The following DCUN1D2 variants were observed in gnomAD, a reference collection of about 807,000 sequenced individuals.
DCUN1D2 encodes defective in cullin neddylation 1 domain containing 2, also known as DCN1-like protein 2.
In DCUN1D2, 29 loss-of-function variants were observed where a neutral mutation model predicts 30.9. The observed-to-expected ratio is 0.94, with a 90% confidence interval of 0.70 to 1.28. The LOEUF (loss-of-function observed/expected upper bound fraction) is 1.28, where lower values mean the gene tolerates loss of function less well. Ranked by LOEUF, DCUN1D2 falls within the 50% of genes most tolerant of loss-of-function variation. The pLI is 0.00. For missense variants in DCUN1D2, 325 were observed against 316.9 expected, an observed-to-expected ratio of 1.03 and a Z score of -0.19; for synonymous variants, 121 against 115.3, an observed-to-expected ratio of 1.05 and a Z score of -0.32.
intron 3 of DCUN1D2, among the ~76,000 whole-genome samples, chr13:113,476,836 G>T (rs1442242709): frequency 6.6e-6 from 1 of 152,100 alleles, no homozygotes; most frequent in East Asian, 1.9e-4. Context: ...TATGGTATGC[G>T]GTAGAGGTCA....
intron 4 of DCUN1D2, 42 bp from the exon 5 acceptor site, chr13:113,461,178 C>T (rs1027190200): frequency 1.4e-5 from 17 of 1,249,964 alleles, no homozygotes; most frequent in Non-Finnish European, 1.8e-5. Flanking sequence ...ATCTCACTCT[C>T]TTTTTCTACT....
At chr13:113,487,473 A>G (rs2044826239) in intron 1 of DCUN1D2, among the ~76,000 whole-genome samples, 2 of 152,248 alleles carry the variant, frequency 1.3e-5, no homozygotes, top group African/African-American at 2.4e-5. Context: ...CACACAGTGT[A>G]TGATTCCATC....
At chr13:113,483,590 G>C (rs1005298923) in intron 2 of DCUN1D2, among the ~76,000 whole-genome samples, 5 of 152,184 alleles carry the variant, frequency 3.3e-5, no homozygotes, top group African/African-American at 9.6e-5. Flanking sequence ...CAGAACAAGC[G>C]GGCACGGGCC....
At chr13:113,472,439 ACTG>A (rs1196596096) in intron 4 of DCUN1D2, among the ~76,000 whole-genome samples, 1 of 152,206 alleles carries the variant, frequency 6.6e-6, no homozygotes, top group Admixed American at 6.5e-5. Flanking sequence ...GTAGAAGGTG[ACTG>A]GACGAGCCCA....
At chr13:113,471,405 TC>T (rs1566498428) in intron 4 of DCUN1D2, among the ~76,000 whole-genome samples, 1 of 152,224 alleles carries the variant, frequency 6.6e-6, no homozygotes, top group African/African-American at 2.4e-5. Context: ...AGGACCTAAC[TC>T]CAATTATATG....
chr13:113,470,668 C>T (rs995110866), intron 4 of DCUN1D2, among the ~76,000 whole-genome samples: 9 of 150,770 alleles, frequency 6.0e-5, no homozygotes, highest in East Asian at 2.0e-4. Context: ...CCACGCAAGA[C>T]CCAACTCCAC....
intron 4 of DCUN1D2, among the ~76,000 whole-genome samples, chr13:113,469,819 A>G (rs1242103306): frequency 6.6e-6 from 1 of 152,222 alleles, no homozygotes; most frequent in Admixed American, 6.5e-5. Context: ...AGCCTGGGCA[A>G]GAGAGCAAGA....
At chr13:113,480,861 T>C (rs2044696515) in intron 2 of DCUN1D2, 118 bp from the exon 3 acceptor site, 1 of 981,900 alleles carries the variant, frequency 1.0e-6, no homozygotes, top group Non-Finnish European at 1.5e-6. Flanking sequence ...GTGTTTCCAA[T>C]ACATCAATCA....
chr13:113,461,278 G>A (rs976641907), intron 4 of DCUN1D2, 142 bp from the exon 5 acceptor site: 10 of 593,922 alleles, frequency 1.7e-5, no homozygotes, highest in African/African-American at 5.7e-5. Context: ...TAATCTCTAC[G>A]GAAGTGCTCC....
rs201983067 is a variant in DCUN1D2 at position 113,462,858 on chromosome 13, T to C, written c.521-1722A>G. 632 of 1,262,792 alleles carry C rather than the reference T, an allele frequency of 5.0e-4. 2 individuals carry two copies. The highest frequency in any genetic ancestry group is 6.1e-4 in the Non-Finnish European group (599 of 978,230). The allele number at this position is 1,262,792 out of a possible 1,614,324, so 78.2% of individuals were successfully genotyped here. ...ATCTATATTCAACTCATCTTAATGA[T>C]GTAAAGCTTTCACATTGAGAAATGG... On this transcript the variant is annotated intron_variant, in intron 4 of 6. Coordinates refer to ENST00000478244, the MANE Select transcript of DCUN1D2 (RefSeq NM_001014283.2).
chr13:113,460,886 G>A (rs1397683392), intron 5 of DCUN1D2, among the ~76,000 whole-genome samples, 168 bp downstream of exon 5: 2 of 152,202 alleles, frequency 1.3e-5, no homozygotes, highest in South Asian at 4.1e-4. Flanking sequence ...CTCCGGCAAG[G>A]TGACAGAGCC....
intron 1 of DCUN1D2, among the ~76,000 whole-genome samples, chr13:113,484,963 A>T (rs370552979): frequency 9.7e-4 from 147 of 152,270 alleles, no homozygotes; most frequent in Non-Finnish European, 1.5e-3. Flanking sequence ...CTATAGTCCC[A>T]GCTACTTGGG....
intron 2 of DCUN1D2, among the ~76,000 whole-genome samples, chr13:113,481,210 ATG>A (rs1397614893): frequency 6.6e-6 from 1 of 152,182 alleles, no homozygotes; most frequent in African/African-American, 2.4e-5. Context: ...GCTAATTCTA[ATG>A]GTACTGGACA....
At chr13:113,465,689 TACGGTCTGGC>T in intron 4 of DCUN1D2, among the ~76,000 whole-genome samples, 1 of 142,534 alleles carries the variant, frequency 7.0e-6, no homozygotes. Flanking sequence ...TTTTTTTTAA[TACGGTCTGGC>T]TCTGTCGCCC....
At chr13:113,487,398 A>G (rs2044824706) in intron 1 of DCUN1D2, among the ~76,000 whole-genome samples, 1 of 152,246 alleles carries the variant, frequency 6.6e-6, no homozygotes, top group Non-Finnish European at 1.5e-5. Flanking sequence ...AAAGGAATGA[A>G]GTATTGATAC....
At chr13:113,481,780 G>A (rs1481082798) in intron 2 of DCUN1D2, among the ~76,000 whole-genome samples, 4 of 151,554 alleles carry the variant, frequency 2.6e-5, no homozygotes, top group East Asian at 1.9e-4. Context: ...GCTACTCGGG[G>A]GGCTGAGGCA....
At chr13:113,485,606 A>C (rs1441298293) in intron 1 of DCUN1D2, among the ~76,000 whole-genome samples, 1 of 151,952 alleles carries the variant, frequency 6.6e-6, no homozygotes, top group Non-Finnish European at 1.5e-5. Flanking sequence ...CACACATACC[A>C]ATTCCTCACC....
At chr13:113,461,237 T>C in intron 4 of DCUN1D2, 101 bp from the exon 5 acceptor site, 1 of 726,280 alleles carries the variant, frequency 1.4e-6, no homozygotes, top group Non-Finnish European at 2.3e-6. Context: ...CTTAATAAAA[T>C]GTGGCAATCT....
In DCUN1D2 at chr13:113,490,696, G is replaced by T. The variant is rs933388429; in HGVS notation, c.-27C>A. The T allele has an allele frequency of 2.4e-5, 29 of 1,220,232 alleles. No homozygotes were observed. Among genetic ancestry groups the T allele is most frequent in the South Asian group, 1.2e-4 (4 of 32,460 alleles). 75.6% of individuals were successfully genotyped at this position (1,220,232 alleles called of 1,614,324 possible). A position where few individuals can be genotyped will look rare whatever the true frequency, so the allele number is the denominator to read the frequency against. On this transcript the variant is annotated 5_prime_UTR_variant, in exon 1 of 7. Transcript: ENST00000478244. The surrounding 1 kb of genome is among the most constrained non-coding windows in gnomAD (Gnocchi z 5.2). ...TCCCCCGCGCCGCCCGCTTCTGGCCGGCCCCGGCCTTCTGCGCAGGCGCGG... is the reference window on the plus strand; with the variant it reads ...TCCCCCGCGCCGCCCGCTTCTGGCCTGCCCCGGCCTTCTGCGCAGGCGCGG...
Sources: allele counts gnomAD v4.1 joint callset (sites outside exome capture counted in the v4.1 genomes callset), GRCh38; gene constraint gnomAD v4.1.1; non-coding constraint Gnocchi (gnomAD v3.1); transcripts MANE v1.5; gene names NCBI Gene and HGNC (gene_info 2026-07-23, HGNC 2026-07-21).